The following IGFBP6 variants were observed in gnomAD, a reference collection of about 807,000 sequenced individuals.
IGFBP6 encodes the protein insulin like growth factor binding protein 6.
In IGFBP6, 24 loss-of-function variants were observed where a neutral mutation model predicts 24.5. That is an observed-to-expected ratio of 0.98 (90% CI 0.71 to 1.38). The LOEUF (loss-of-function observed/expected upper bound fraction) is 1.38, where lower values mean the gene tolerates loss of function less well. Among genes scored for constraint, IGFBP6 ranks in the 40% most tolerant of loss-of-function variants. IGFBP6 has a pLI of 0.00. For missense variants in IGFBP6, 331 were observed against 324.8 expected (o/e 1.02, Z -0.15); for synonymous variants, 147 against 137.4 (o/e 1.07, Z -0.49).
chr12:53,101,622 G>A (rs904416089), intron 3 of IGFBP6, among the ~76,000 whole-genome samples: 1 of 152,132 alleles, frequency 6.6e-6, no homozygotes, highest in Non-Finnish European at 1.5e-5. Context: ...ACACTGGGCC[G>A]GGTGCGGTGT....
At chr12:53,099,790 A>G (rs1403036215) in intron 1 of IGFBP6, among the ~76,000 whole-genome samples, 2 of 151,628 alleles carry the variant, frequency 1.3e-5, no homozygotes, top group Non-Finnish European at 2.9e-5. Context: ...AATTTTTTAA[A>G]ATTAAGTAAT....
chr12:53,101,919 A>AG (rs1937835672), intron 3 of IGFBP6, 126 bp from the exon 4 acceptor site: 1 of 860,720 alleles, frequency 1.2e-6, no homozygotes, highest in African/African-American at 1.8e-5. Flanking sequence ...AAAAAAAAAA[A>AG]AAAAAGAGAG....
intron 1 of IGFBP6, among the ~76,000 whole-genome samples, chr12:53,098,731 C>G (rs984105377): frequency 6.6e-6 from 1 of 152,162 alleles, no homozygotes; most frequent in Non-Finnish European, 1.5e-5. Context: ...CATCCTACCC[C>G]ACCCTGCTCC....
In IGFBP6 at chr12:53,097,686, T is replaced by C; in HGVS notation, c.-32T>C. 1.3e-6 allele frequency: 2 copies of C among 1,535,430 alleles called. No homozygotes were observed. Among genetic ancestry groups the C allele is most frequent in the Middle Eastern group, 2.0e-4 (1 of 5,114 alleles). ...GGCAGCAGCTGCGCTGCGACTGCTCTGGAAGGAGAGGACGGGGCACAAACC... is the reference window on the plus strand; with the variant it reads ...GGCAGCAGCTGCGCTGCGACTGCTCCGGAAGGAGAGGACGGGGCACAAACC... On this transcript the variant is annotated 5_prime_UTR_variant, in exon 1 of 4. Transcript: ENST00000301464.
chr12:53,101,938 C>T (rs979428323), intron 3 of IGFBP6, 107 bp from the exon 4 acceptor site: 26 of 1,061,394 alleles, frequency 2.4e-5, no homozygotes, highest in Middle Eastern at 3.3e-4. Context: ...AGGGAACCCC[C>T]GAGGAGACGC....
At chr12:53,099,219 C>G (rs971645819) in intron 1 of IGFBP6, 1 of 438,144 alleles carries the variant, frequency 2.3e-6, no homozygotes, top group East Asian at 7.4e-5. Context: ...TACATGCTCC[C>G]CTTTCTGCCT....
intron 1 of IGFBP6, 40 bp downstream of exon 1, chr12:53,098,091 C>G: frequency 1.4e-6 from 2 of 1,393,530 alleles, no homozygotes; most frequent in Non-Finnish European, 9.2e-7. Context: ...CACGTGAGAC[C>G]CGCGTCCTCC....
At chr12:53,100,641 A>C in intron 1 of IGFBP6, 71 bp from the exon 2 acceptor site, 2 of 1,500,846 alleles carry the variant, frequency 1.3e-6, no homozygotes, top group Admixed American at 3.4e-5. Context: ...TCAGCAGGTG[A>C]TGTGGGCAAG....
chr12:53,102,238 A>C lies in IGFBP6; in HGVS notation c.*71A>C, dbSNP rs1937844183. 5 of 1,573,364 alleles carry C rather than the reference A, an allele frequency of 3.2e-6. No homozygotes were observed. The Admixed American group carries it at 8.9e-5, about 28-fold the overall frequency. The stretch of plus-strand genomic sequence containing the variant: ...GCTGTCATCACTCAACAAAAAACCG[A>C]GGCCCTCAATCCACCTTCAGGCCCC... On this transcript the variant is annotated 3_prime_UTR_variant, in exon 4 of 4. Coordinates refer to ENST00000301464, the MANE Select transcript of IGFBP6 (RefSeq NM_002178.3).
Position 53,097,696 on chromosome 12 carries a change from G to A in IGFBP6, c.-22G>A. 1 of 1,540,026 alleles carries A rather than the reference G, an allele frequency of 6.5e-7. No homozygotes were observed. Among genetic ancestry groups the A allele is most frequent in the Non-Finnish European group, 8.7e-7 (1 of 1,145,450 alleles). ...GCGCTGCGACTGCTCTGGAAGGAGAGGACGGGGCACAAACCCTGACCATGA... is the reference window on the plus strand; with the variant it reads ...GCGCTGCGACTGCTCTGGAAGGAGAAGACGGGGCACAAACCCTGACCATGA... On this transcript the variant is annotated 5_prime_UTR_variant, in exon 1 of 4. Transcript: ENST00000301464.
At chr12:53,101,924 A>G (rs1287218585) in intron 3 of IGFBP6, 121 bp from the exon 4 acceptor site, 1 of 789,464 alleles carries the variant, frequency 1.3e-6, no homozygotes, top group Non-Finnish European at 1.9e-6. Flanking sequence ...AAAAAAAAAA[A>G]GAGAGGGAAC....
In IGFBP6 at chr12:53,102,149, C is replaced by T. The variant is rs544536222; in HGVS notation, c.705C>T (p.Pro235=). The T allele has an allele frequency of 1.2e-6, 2 of 1,613,988 alleles. No homozygotes were observed. Among genetic ancestry groups the T allele is most frequent in the East Asian group, 4.5e-5 (2 of 44,870 alleles). The change falls in exon 4 of 4, where the codon CCC becomes CCT. Residue 235 remains proline, a synonymous_variant. Transcript: ENST00000301464. ...ATGGCAATGGAAGCTCCTCCTGCCC[C>T]ACTGGGAGTAGCGGCTAAAGCTGGG... ...SPDGNGSSSC[P]TGSSG
intron 3 of IGFBP6, 94 bp downstream of exon 3, chr12:53,101,254 T>G: frequency 7.9e-7 from 1 of 1,259,628 alleles, no homozygotes; most frequent in Non-Finnish European, 1.1e-6. Flanking sequence ...AATAAGACAC[T>G]GCCCCATCTT....
In IGFBP6 at chr12:53,099,283, G is replaced by A. The variant is rs540467772; in HGVS notation, c.334+1232G>A. ...CCTTCCCAGTCCTGAGCTCTCCCCG[G>A]ACCCTCCGGAAACTTTCTCCAGAGC... is the stretch of plus-strand genomic sequence containing the variant. On this transcript the variant is annotated intron_variant, in intron 1 of 3. Coordinates refer to ENST00000301464, the MANE Select transcript of IGFBP6 (RefSeq NM_002178.3). The A allele has an allele frequency of 1.5e-5, 7 of 455,674 alleles. 1 individual carries two copies. Among genetic ancestry groups the A allele is most frequent in the African/African-American group, 4.0e-5 (2 of 50,202 alleles). 28.2% of individuals were successfully genotyped at this position (455,674 alleles called of 1,614,324 possible).
Position 53,101,106 on chromosome 12 carries a change from T to C in IGFBP6, c.546T>C (p.Ala182=). 1 of 1,614,164 alleles carries C rather than the reference T, an allele frequency of 6.2e-7. No homozygotes were observed. Among genetic ancestry groups the C allele is most frequent in the Non-Finnish European group, 8.5e-7 (1 of 1,180,022 alleles). The part of the protein sequence containing the change: ...QQLQTEVYRG[A]QTLYVPNCDH... ...TCCAGACTGAGGTCTACCGAGGGGC[T>C]CAAACACTCTACGTGCCCAATTGTG... The change falls in exon 3 of 4, where the codon GCT becomes GCC. Residue 182 remains alanine (A), a synonymous_variant. Coordinates refer to ENST00000301464, the MANE Select transcript of IGFBP6 (RefSeq NM_002178.3).
At chr12:53,101,299 T>C in intron 3 of IGFBP6, 139 bp downstream of exon 3, 1 of 870,268 alleles carries the variant, frequency 1.1e-6, no homozygotes, top group East Asian at 2.6e-5. Context: ...ACATAGAGAA[T>C]ATAATTTATT....
At chr12:53,098,230 G>A (rs769044622) in intron 1 of IGFBP6, among the ~76,000 whole-genome samples, 179 bp downstream of exon 1, 1 of 152,262 alleles carries the variant, frequency 6.6e-6, no homozygotes, top group Non-Finnish European at 1.5e-5. Flanking sequence ...CTGAGGTGCA[G>A]CCAGGGGACC....
chr12:53,099,376 T>C (rs1937790931), intron 1 of IGFBP6: 1 of 453,352 alleles, frequency 2.2e-6, no homozygotes, highest in Admixed American at 2.4e-5. Context: ...CAGCCTATCT[T>C]GGTTAAGGGT....
chr12:53,100,264 G>A (rs1937805992), intron 1 of IGFBP6, among the ~76,000 whole-genome samples: 1 of 152,150 alleles, frequency 6.6e-6, no homozygotes, highest in African/African-American at 2.4e-5. Flanking sequence ...GGCTCAAGCA[G>A]TCCTCCTGCC....
Sources: gnomAD v4.1 joint callset for allele counts (sites outside exome capture counted in the v4.1 genomes callset) on GRCh38, gnomAD v4.1.1 for gene constraint, MANE v1.5 for transcripts, NCBI Gene and HGNC (gene_info 2026-07-23, HGNC 2026-07-21) for gene names.